Variants in SYT9 observed in about 807,000 individuals in gnomAD.
The protein encoded by SYT9 is synaptotagmin-9.
A neutral mutation model predicts 48.4 loss-of-function variants in SYT9; 22 were observed. The observed-to-expected ratio is 0.45, with a 90% CI of 0.32 to 0.65. The LOEUF (loss-of-function observed/expected upper bound fraction) is 0.65, where lower values mean the gene tolerates loss of function less well. Among genes scored for constraint, SYT9 ranks in the 30% least tolerant of loss-of-function variants. The pLI is 0.03. For synonymous variants in SYT9, 265 were observed against 245.0 expected (o/e 1.08, Z -0.76); for missense variants, 577 against 622.0 (o/e 0.93, Z 0.77).
Position 7,417,959 on chromosome 11 carries a change from C to G in SYT9, c.1168C>G (p.Pro390Ala), listed in dbSNP as rs780235177. 6.2e-7 allele frequency: 1 copy of G among 1,613,310 alleles called. No homozygotes were observed. Among genetic ancestry groups the G allele is most frequent in the Non-Finnish European group, 8.5e-7 (1 of 1,179,548 alleles). ...CCTGCTTCTCATGGTCTGTCCAGAT[C>G]CCTATGTGAAAGTCTCGCTGATGTG... ...KAMDITGASD[P>A]YVKVSLMCDG... Residue 390 changes from proline (P) to alanine (A), a missense_variant and splice_region_variant, in exon 5 of 7, where the codon CCC (proline) becomes GCC (alanine). By Grantham distance (27) the Pro-to-Ala change is conservative. Transcript: ENST00000318881.
chr11:7,324,798 CT>C (rs1219784541), intron 3 of SYT9, among the ~76,000 whole-genome samples: 6 of 151,734 alleles, frequency 4.0e-5, no homozygotes, highest in African/African-American at 1.5e-4. Context: ...GCTTTATGTT[CT>C]CTTACACATC....
At chr11:7,355,487 A>T (rs1850003660) in intron 3 of SYT9, among the ~76,000 whole-genome samples, 1 of 152,088 alleles carries the variant, frequency 6.6e-6, no homozygotes, top group Non-Finnish European at 1.5e-5. Context: ...CTCAAATCTC[A>T]CCTTCTCCTT....
At chr11:7,255,031 CAGT>C (rs1847941600) in intron 1 of SYT9, among the ~76,000 whole-genome samples, 6 of 152,170 alleles carry the variant, frequency 3.9e-5, no homozygotes, top group Non-Finnish European at 5.9e-5. Context: ...GCCTAAGTCA[CAGT>C]TGGAACTGAA....
At chr11:7,456,351 T>TA (rs1848149847) in intron 6 of SYT9, among the ~76,000 whole-genome samples, 1 of 152,166 alleles carries the variant, frequency 6.6e-6, no homozygotes, top group Non-Finnish European at 1.5e-5. Context: ...AAGGGAGGAT[T>TA]AAAACAAGGT....
intron 1 of SYT9, among the ~76,000 whole-genome samples, chr11:7,240,997 C>T (rs947369368): frequency 1.3e-5 from 2 of 152,056 alleles, no homozygotes; most frequent in African/African-American, 4.8e-5. Flanking sequence ...ACTGACAAAC[C>T]TGAGGAATTC....
intron 1 of SYT9, among the ~76,000 whole-genome samples, chr11:7,279,375 A>G (rs1848453300): frequency 6.6e-6 from 1 of 152,210 alleles, no homozygotes; most frequent in Non-Finnish European, 1.5e-5. Flanking sequence ...AGAACAAAAA[A>G]ACTGACTCAA....
intron 3 of SYT9, among the ~76,000 whole-genome samples, chr11:7,354,319 G>A (rs374076947): frequency 5.5e-4 from 84 of 152,188 alleles, no homozygotes; most frequent in African/African-American, 2.0e-3. Context: ...GCACTTCATT[G>A]GCTCACCATC....
Position 7,330,789 on chromosome 11 carries a change from C to T in SYT9, c.1044+16848C>T, listed in dbSNP as rs554584259. 1.2e-3 allele frequency among the ~76,000 whole-genome samples: 184 copies of T among 152,158 alleles called. 1 individual carries two copies. The highest frequency in any genetic ancestry group is 4.1e-3 in the African/African-American group (169 of 41,516). The stretch of plus-strand genomic sequence containing the variant: ...TTGGCTCACTGCAACCTTTGCCTCC[C>T]GGGTTCAAGCGATTCTCCTGCCTCA... On this transcript the variant is annotated intron_variant, in intron 3 of 6. Transcript: ENST00000318881.
At chr11:7,455,936 G>A (rs1848144114) in intron 6 of SYT9, among the ~76,000 whole-genome samples, 1 of 152,206 alleles carries the variant, frequency 6.6e-6, no homozygotes, top group Non-Finnish European at 1.5e-5. Context: ...GCCCAAGAAG[G>A]AAGTCACCCA....
intron 3 of SYT9, among the ~76,000 whole-genome samples, chr11:7,396,558 G>A (rs1564889035): frequency 6.6e-6 from 1 of 152,100 alleles, no homozygotes; most frequent in Non-Finnish European, 1.5e-5. Flanking sequence ...GAACAATGAC[G>A]TACAAGTCTT....
intron 3 of SYT9, among the ~76,000 whole-genome samples, chr11:7,335,484 A>C (rs1274550196): frequency 1.3e-5 from 2 of 152,012 alleles, no homozygotes; most frequent in African/African-American, 4.8e-5. Flanking sequence ...CACCCCCAGA[A>C]GGTTCCAGTG....
intron 3 of SYT9, among the ~76,000 whole-genome samples, chr11:7,377,805 C>T (rs1430824453): frequency 6.6e-6 from 1 of 152,158 alleles, no homozygotes; most frequent in Non-Finnish European, 1.5e-5. Context: ...TGCATGGGCT[C>T]CCCACTTGGG....
rs141830591 is a variant in SYT9 at position 7,252,677 on chromosome 11, G to A, written c.145+346G>A. 4.5e-3 allele frequency among the ~76,000 whole-genome samples: 693 copies of A among 152,358 alleles called. 6 individuals carry two copies. The highest frequency in any genetic ancestry group is 6.9e-3 in the Non-Finnish European group (472 of 68,028). ...GCTATCTGCACTCAGAGCGAGGGGA[G>A]GCCGCGGCGGCCTCGGAGCCGTGGG... On this transcript the variant is annotated intron_variant, in intron 1 of 6. Transcript: ENST00000318881. The surrounding 1 kb of genome is among the most constrained non-coding windows in gnomAD (Gnocchi z 6.3).
intron 3 of SYT9, among the ~76,000 whole-genome samples, chr11:7,412,546 A>G (rs1361206759): frequency 4.6e-5 from 7 of 152,188 alleles, no homozygotes; most frequent in African/African-American, 1.7e-4. Context: ...GTTATTAGGT[A>G]GGCCAGTGGT....
In SYT9 at chr11:7,467,503, A is replaced by AC. The variant is rs1161404603; in HGVS notation, c.*708dup. On this transcript the variant is annotated 3_prime_UTR_variant, in exon 7 of 7. Transcript: ENST00000318881. ...AAAACCAGATTTTGAGGAATCAGAG[A>AC]CCCCCAACACTACTCACTCAGTAGC... 2 of 152,064 alleles carry AC rather than the reference A, an allele frequency of 1.3e-5. No individual in the cohort carries two copies. Among genetic ancestry groups the AC allele is most frequent in the African/African-American group, 2.4e-5 (1 of 41,372 alleles). The allele number at this position is 152,064 out of a possible 1,614,324, so 9.4% of individuals were successfully genotyped here. A position where few individuals can be genotyped will look rare whatever the true frequency, so the allele number is the denominator to read the frequency against.
At chr11:7,373,096 G>C (rs1014198466) in intron 3 of SYT9, among the ~76,000 whole-genome samples, 2 of 151,918 alleles carry the variant, frequency 1.3e-5, no homozygotes, top group African/African-American at 2.4e-5. Context: ...CTACTTGGCC[G>C]ACGTGTATTC....
chr11:7,245,412 T>C (rs1282544713), intron 1 of SYT9, among the ~76,000 whole-genome samples: 7 of 152,082 alleles, frequency 4.6e-5, no homozygotes, highest in Admixed American at 4.6e-4. Context: ...CTTTTTCTTT[T>C]CTTTTCTCTC....
chr11:7,256,423 C>A (rs1847971761), intron 1 of SYT9, among the ~76,000 whole-genome samples: 1 of 152,130 alleles, frequency 6.6e-6, no homozygotes, highest in African/African-American at 2.4e-5. Flanking sequence ...AGTTCAAGAA[C>A]CATGGCTAAA....
chr11:7,275,462 T>G (rs556680412), intron 1 of SYT9, among the ~76,000 whole-genome samples: 193 of 152,344 alleles, frequency 1.3e-3, no homozygotes, highest in Middle Eastern at 3.4e-3. Context: ...CTCTTGAATT[T>G]GCAACACCAA....
Sources: gnomAD v4.1 joint callset for allele counts (sites outside exome capture counted in the v4.1 genomes callset) on GRCh38, gnomAD v4.1.1 for gene constraint, Gnocchi (gnomAD v3.1) non-coding constraint, MANE v1.5 for transcripts, NCBI Gene and HGNC (gene_info 2026-07-23, HGNC 2026-07-21) for gene names.